Variants in DLG2 observed in about 807,000 individuals in gnomAD.
DLG2 encodes discs large MAGUK scaffold protein 2.
DLG2 carries 45 observed loss-of-function variants against 132.5 expected under a neutral mutation model. The observed-to-expected ratio is 0.34, with a 90% CI of 0.27 to 0.44. DLG2 has a LOEUF of 0.44. Among genes scored for constraint, DLG2 ranks in the 20% least tolerant of loss-of-function variants. DLG2 has a pLI of 1.00. For synonymous variants in DLG2, 424 were observed against 419.6 expected (o/e 1.01, Z -0.13); for missense variants, 1,045 against 1,196.9 (o/e 0.87, Z 1.87).
chr11:83,902,700 C>G (rs527518798), intron 15 of DLG2, among the ~76,000 whole-genome samples: 1 of 152,178 alleles, frequency 6.6e-6, no homozygotes, highest in East Asian at 1.9e-4. Flanking sequence ...ATTAGGAAGA[C>G]AGAAATGCAT....
At chr11:84,353,408 C>G (rs1416210659) in intron 7 of DLG2, among the ~76,000 whole-genome samples, 1 of 152,154 alleles carries the variant, frequency 6.6e-6, no homozygotes, top group African/African-American at 2.4e-5. Context: ...ACAAACTATA[C>G]ATCTGAAAGT....
At chr11:85,416,906 C>G (rs1485924878) in intron 3 of DLG2, among the ~76,000 whole-genome samples, 1 of 152,188 alleles carries the variant, frequency 6.6e-6, no homozygotes, top group Non-Finnish European at 1.5e-5. Context: ...AATTTGACTT[C>G]CTCTCTTCCT....
chr11:84,502,186 T>C lies in DLG2; in HGVS notation c.519+32384A>G, dbSNP rs866823102. 8.5e-3 allele frequency among the ~76,000 whole-genome samples: 109 copies of C among 12,828 alleles called. 10 individuals are homozygous for C. The highest frequency in any genetic ancestry group is 0.069 in the South Asian group (13 of 188). The allele number at this position is 12,828 out of a possible 152,430, so 8.4% of individuals were successfully genotyped here. On this transcript the variant is annotated intron_variant, in intron 7 of 27. Coordinates refer to ENST00000376104, the MANE Select transcript of DLG2 (RefSeq NM_001142699.3). ...TCTCTCTCTCTCTCTTTCTCTCTCTTTCTCTCTCTCTCTCTCCTTCCTTCC... is the reference window on the plus strand; with the variant it reads ...TCTCTCTCTCTCTCTTTCTCTCTCTCTCTCTCTCTCTCTCTCCTTCCTTCC...
chr11:84,517,940 C>G lies in DLG2; in HGVS notation c.519+16630G>C, dbSNP rs539065978. ...GCATGATCTTACTCCTATGTGAAAT[C>G]TAAAAATTTGATCTCATAGAAGTAG... On this transcript the variant is annotated intron_variant, in intron 7 of 27. Transcript: ENST00000376104. Among the ~76,000 whole-genome samples, 308 of 151,900 alleles carry G rather than the reference C, an allele frequency of 2.0e-3. 2 individuals are homozygous for G. Among genetic ancestry groups the G allele is most frequent in the African/African-American group, 7.1e-3 (294 of 41,434 alleles).
intron 7 of DLG2, among the ~76,000 whole-genome samples, chr11:84,429,543 C>A (rs1340142079): frequency 6.6e-6 from 1 of 151,962 alleles, no homozygotes; most frequent in Non-Finnish European, 1.5e-5. Flanking sequence ...GTGTCCAGAC[C>A]AAATAGGACA....
chr11:84,123,741 G>A (rs550278966), intron 9 of DLG2, among the ~76,000 whole-genome samples: 1 of 152,224 alleles, frequency 6.6e-6, no homozygotes, highest in Non-Finnish European at 1.5e-5. Flanking sequence ...GGCCCAAAAG[G>A]CAACTAAGTA....
chr11:85,619,145 G>C (rs937686805), intron 2 of DLG2, among the ~76,000 whole-genome samples: 5 of 152,106 alleles, frequency 3.3e-5, no homozygotes, highest in African/African-American at 1.2e-4. Flanking sequence ...ACAATATCAA[G>C]AGTCTATAGC....
intron 4 of DLG2, among the ~76,000 whole-genome samples, chr11:85,194,416 G>A (rs1490300303): frequency 6.6e-6 from 1 of 151,860 alleles, no homozygotes; most frequent in African/African-American, 2.4e-5. Context: ...CATTGTTTTG[G>A]TCCCTCTTTG....
At chr11:85,063,457 G>A (rs655989) in intron 6 of DLG2, among the ~76,000 whole-genome samples, 100,787 of 151,692 alleles carry the variant, frequency 0.66, 34,438 homozygotes, top group East Asian at 0.93. Context: ...ACACAGAACT[G>A]ACATTACTTT....
intron 6 of DLG2, among the ~76,000 whole-genome samples, chr11:84,751,528 T>C (rs1294410350): frequency 6.6e-6 from 1 of 152,038 alleles, no homozygotes; most frequent in African/African-American, 2.4e-5. Flanking sequence ...GTGACGTACA[T>C]GGAAGAAATC....
Position 84,556,720 on chromosome 11 carries a change from A to G in DLG2, c.358-21989T>C, listed in dbSNP as rs564828860. Among the ~76,000 whole-genome samples, 6 of 152,308 alleles carry G rather than the reference A, an allele frequency of 3.9e-5. No homozygotes were observed. In the South Asian group the frequency reaches 1.2e-3, roughly 32 times the overall value. On this transcript the variant is annotated intron_variant, in intron 6 of 27. Coordinates refer to ENST00000376104, the MANE Select transcript of DLG2 (RefSeq NM_001142699.3). ...ACTCCCACACTCTTACCAAACAATT[A>G]TTTTGTATTGTGATTAAAAATTATA...
At position 83,653,810 on chromosome 11, in the gene DLG2, CCTCCCAGGTT is replaced by C. The variant is rs775630561; in HGVS notation, c.1826-20495_1826-20486del. Among the ~76,000 whole-genome samples the C allele has an allele frequency of 5.3e-3, 806 of 152,206 alleles. 5 individuals are homozygous for C. Among genetic ancestry groups the C allele is most frequent in the Non-Finnish European group, 8.5e-3 (575 of 68,018 alleles). ...CGATCTTGGCTCATTGCAACCTCTG[CCTCCCAGGTT>C]CAAGAGATTCTCCTGTGCCAGCCTC... On this transcript the variant is annotated intron_variant, in intron 18 of 27. Transcript: ENST00000376104.
chr11:85,278,259 A>T (rs1299765507), intron 4 of DLG2, among the ~76,000 whole-genome samples: 1 of 152,226 alleles, frequency 6.6e-6, no homozygotes, highest in East Asian at 1.9e-4. Context: ...AATTATAAGT[A>T]ATACCTACCT....
chr11:84,813,979 T>C (rs2076839066), intron 6 of DLG2, among the ~76,000 whole-genome samples: 1 of 152,112 alleles, frequency 6.6e-6, no homozygotes, highest in Non-Finnish European at 1.5e-5. Flanking sequence ...AGAAAATACA[T>C]TTTTCTTGTT....
intron 6 of DLG2, among the ~76,000 whole-genome samples, chr11:84,726,456 T>G (rs563729796): frequency 6.6e-6 from 1 of 152,222 alleles, no homozygotes; most frequent in Admixed American, 6.5e-5. Context: ...ACCCTTTTTA[T>G]GGCTGCATAG....
intron 8 of DLG2, among the ~76,000 whole-genome samples, chr11:84,201,617 G>T (rs1034231707): frequency 1.4e-5 from 2 of 147,696 alleles, no homozygotes; most frequent in African/African-American, 5.0e-5. Flanking sequence ...ATTTATTACT[G>T]CCTCAATTAC....
At chr11:83,673,264 T>C (rs1009207335) in intron 18 of DLG2, among the ~76,000 whole-genome samples, 1 of 152,176 alleles carries the variant, frequency 6.6e-6, no homozygotes, top group East Asian at 1.9e-4. Flanking sequence ...CACAGAATCA[T>C]TAATAAATAG....
intron 3 of DLG2, among the ~76,000 whole-genome samples, chr11:85,445,206 A>G (rs2091953111): frequency 6.6e-6 from 1 of 152,220 alleles, no homozygotes; most frequent in South Asian, 2.1e-4. Context: ...GGAGTAGTTA[A>G]AAGATTTAAT....
At chr11:84,179,588 T>C (rs1444666896) in intron 8 of DLG2, among the ~76,000 whole-genome samples, 1 of 152,208 alleles carries the variant, frequency 6.6e-6, no homozygotes, top group Non-Finnish European at 1.5e-5. Context: ...CCTAAAGCTC[T>C]ACGAGGCCTT....
Sources: gnomAD v4.1 joint callset for allele counts (sites outside exome capture counted in the v4.1 genomes callset) on GRCh38, gnomAD v4.1.1 for gene constraint, MANE v1.5 for transcripts, NCBI Gene and HGNC (gene_info 2026-07-23, HGNC 2026-07-21) for gene names.